The following CFAP65 variants were observed in gnomAD, a reference collection of about 807,000 sequenced individuals.
CFAP65 encodes cilia and flagella associated protein 65.
A neutral mutation model predicts 208.0 loss-of-function variants in CFAP65; 155 were observed. That is an observed-to-expected ratio of 0.75 (90% CI 0.65 to 0.85). CFAP65 has a LOEUF of 0.85. Ranked by LOEUF, CFAP65 falls within the 40% of genes least tolerant of loss-of-function variation. CFAP65 has a pLI of 0.00. For synonymous variants in CFAP65, 970 were observed against 986.3 expected (o/e 0.98, Z 0.31); for missense variants, 2,294 against 2,451.3 (o/e 0.94, Z 1.36).
At position 219,023,268 on chromosome 2, in the gene CFAP65, T is replaced by G. The variant is rs1197826365; in HGVS notation, c.2759A>C (p.Gln920Pro). 6.2e-7 allele frequency: 1 copy of G among 1,613,196 alleles called. No homozygotes were observed. Residue 920 changes from glutamine to proline, a missense_variant, in exon 16 of 35, where the codon CAG (glutamine) becomes CCG (proline). Gln to Pro is a moderately conservative substitution (Grantham distance 76). Transcript: ENST00000341552. ...CTGGACAGCCAGCAGCTTTCGATGC[T>G]GCTCAGAGACCCTCCACTCGAACTG... ...PLQFEWRVSE[Q>P]HRKLLAVQPS...
At position 219,027,486 on chromosome 2, in the gene CFAP65, T is replaced by C. The variant is rs1369153877; in HGVS notation, c.2211+164A>G. Reference sequence around the variant, plus strand: ...AGATGGGCCGAGCTAGGCCAGGAGCTTTGGAGGAGACAAACTCATAGGGGT... The same window carrying C: ...AGATGGGCCGAGCTAGGCCAGGAGCCTTGGAGGAGACAAACTCATAGGGGT... On this transcript the variant is annotated intron_variant, in intron 13 of 34. Coordinates refer to ENST00000341552, the MANE Select transcript of CFAP65 (RefSeq NM_194302.4). 2.5e-6 allele frequency: 4 copies of C among 1,579,550 alleles called. No individual in the cohort carries two copies. The East Asian group carries it at 9.4e-5, about 37-fold the overall frequency.
In CFAP65 at chr2:219,031,421, C is replaced by T; in HGVS notation, c.815+68G>A. 3 of 1,607,154 alleles carry T rather than the reference C, an allele frequency of 1.9e-6. No homozygotes were observed. In the African/African-American group the frequency reaches 4.0e-5, roughly 21 times the overall value. On this transcript the variant is annotated intron_variant, in intron 7 of 34. Coordinates refer to ENST00000341552, the MANE Select transcript of CFAP65 (RefSeq NM_194302.4). The surrounding 1 kb of genome is among the most constrained non-coding windows in gnomAD (Gnocchi z 5.2). Reference sequence around the variant, plus strand: ...CCTACCCCGACAAGGGTATGCCTGTCTCTCCTGCTTCCAGACACCCTCCTC... The same window carrying T: ...CCTACCCCGACAAGGGTATGCCTGTTTCTCCTGCTTCCAGACACCCTCCTC...
At chr2:219,013,187 A>G in intron 24 of CFAP65, 72 bp downstream of exon 24, 1 of 1,065,612 alleles carries the variant, frequency 9.4e-7, no homozygotes, top group Non-Finnish European at 1.4e-6. Flanking sequence ...TCACCCTCTC[A>G]AGGGCTGACA....
In CFAP65 at chr2:219,026,157, G is replaced by GA; in HGVS notation, c.2213dup (p.Leu739ProfsTer6). The GA allele has an allele frequency of 6.2e-7, 1 of 1,610,232 alleles. No individual in the cohort carries two copies. Among genetic ancestry groups the GA allele is most frequent in the Middle Eastern group, 1.7e-4 (1 of 6,050 alleles). On this transcript the variant is annotated frameshift_variant and splice_region_variant, in exon 14 of 35. Coordinates refer to ENST00000341552, the MANE Select transcript of CFAP65 (RefSeq NM_194302.4). LOFTEE classifies it high-confidence loss of function. ...CCTCAATATTACTGTAGCTCTGCAG[G>GA]ACCTGCAGAGGGGCCAGACCCACGG...
In CFAP65 at chr2:219,009,912, T is replaced by C. The variant is rs1331100464; in HGVS notation, c.4452+30A>G. On this transcript the variant is annotated intron_variant, in intron 27 of 34. Transcript: ENST00000341552. ...GGGTTGGATGGGTCTGGAGCTCTGATGGAGGTTCCAGGGCTCAGGGGACTC... is the reference window on the plus strand; with the variant it reads ...GGGTTGGATGGGTCTGGAGCTCTGACGGAGGTTCCAGGGCTCAGGGGACTC... The C allele has an allele frequency of 9.5e-6, 15 of 1,586,084 alleles. No homozygotes were observed. The East Asian group carries it at 1.1e-4, about 12-fold the overall frequency.
rs999638888 is a variant in CFAP65 at position 219,029,873 on chromosome 2, C to T, written c.1384+113G>A. On this transcript the variant is annotated intron_variant, in intron 10 of 34. Coordinates refer to ENST00000341552, the MANE Select transcript of CFAP65 (RefSeq NM_194302.4). ...CACAGGGCCACCAGGGGGCAGCAGA[C>T]ACCCAGGCTGAGGCAAGGTGGCCCC... The T allele has an allele frequency of 7.6e-6, 9 of 1,179,910 alleles. No homozygotes were observed. In the African/African-American group the frequency reaches 9.3e-5, roughly 12 times the overall value. The allele number at this position is 1,179,910 out of a possible 1,614,324, so 73.1% of individuals were successfully genotyped here.
At position 219,019,727 on chromosome 2, in the gene CFAP65, G is replaced by C. The variant is rs758125055; in HGVS notation, c.3260-8C>G. The C allele has an allele frequency of 1.6e-5, 26 of 1,611,032 alleles. No individual in the cohort carries two copies. Among genetic ancestry groups the C allele is most frequent in the Non-Finnish European group, 8.5e-7 (1 of 1,178,702 alleles). ...TCTCCCCAGCCTTGTTATCTGGGGA[G>C]GGGGGTGAGGAAGACAGAAGTGGGC... On this transcript the variant is annotated splice_polypyrimidine_tract_variant and splice_region_variant and intron_variant, in intron 19 of 34. Transcript: ENST00000341552.
intron 8 of CFAP65, 61 bp from the exon 9 acceptor site, chr2:219,030,895 A>T: frequency 6.4e-7 from 1 of 1,569,358 alleles, no homozygotes; most frequent in Non-Finnish European, 8.6e-7. Flanking sequence ...CCCCAGCTGA[A>T]CAGCCCCTCG....
chr2:219,007,023 C>T (rs1171762607), intron 29 of CFAP65, among the ~76,000 whole-genome samples: 1 of 152,084 alleles, frequency 6.6e-6, no homozygotes, highest in Non-Finnish European at 1.5e-5. Flanking sequence ...TGTAGGCGGG[C>T]AGCTCCAAGG....
At position 219,032,627 on chromosome 2, in the gene CFAP65, A is replaced by C; in HGVS notation, c.543-55T>G. The C allele has an allele frequency of 1.4e-6, 2 of 1,481,200 alleles. No homozygotes were observed. Among genetic ancestry groups the C allele is most frequent in the Middle Eastern group, 1.7e-4 (1 of 5,790 alleles). 91.8% of individuals were successfully genotyped at this position (1,481,200 alleles called of 1,614,324 possible). A position where few individuals can be genotyped will look rare whatever the true frequency, so the allele number is the denominator to read the frequency against. ...CAGATCAGGGCTCAGAACAACTGGA[A>C]GAGGCAGGAAACGAGGGAAGCCCTG... On this transcript the variant is annotated intron_variant, in intron 5 of 34. Transcript: ENST00000341552. This position sits in a 1 kb window ranked among gnomAD's most constrained non-coding sequence, Gnocchi z 5.5.
chr2:219,022,462 TAC>T lies in CFAP65; in HGVS notation c.2821-135_2821-134del, dbSNP rs550681511. On this transcript the variant is annotated intron_variant, in intron 16 of 34. Coordinates refer to ENST00000341552, the MANE Select transcript of CFAP65 (RefSeq NM_194302.4). ...AGAATCTACCCTATGCCAGGCATTGTACACGGCACATGTATGGAGTCTCCCCA... is the reference window on the plus strand; with the variant it reads ...AGAATCTACCCTATGCCAGGCATTGTACGGCACATGTATGGAGTCTCCCCA... The T allele has an allele frequency of 3.0e-3, 2,899 of 977,256 alleles. 9 individuals are homozygous for T. The highest frequency in any genetic ancestry group is 4.1e-3 in the Non-Finnish European group (2,657 of 642,466). 60.5% of individuals were successfully genotyped at this position (977,256 alleles called of 1,614,324 possible). A position where few individuals can be genotyped will look rare whatever the true frequency, so the allele number is the denominator to read the frequency against.
At chr2:219,020,047 G>GT (rs59981724) in intron 19 of CFAP65, among the ~76,000 whole-genome samples, 26,130 of 144,698 alleles carry the variant, frequency 0.18, 2,974 homozygotes, top group African/African-American at 0.34. Flanking sequence ...ATACAATTCA[G>GT]TTTTTTTTTT....
In CFAP65 at chr2:219,027,763, GAGTCACCC is replaced by G; in HGVS notation, c.2090_2097del (p.Trp697SerfsTer38). On this transcript the variant is annotated frameshift_variant, in exon 13 of 35. Transcript: ENST00000341552. LOFTEE classifies it high-confidence loss of function. The stretch of plus-strand genomic sequence containing the variant: ...AGTGGGGGCACGTCGCAGCTCTCTG[GAGTCACCC>G]AGAAGGGGCAGTCAGACCTTCGCGT... 1 of 1,614,106 alleles carries G rather than the reference GAGTCACCC, an allele frequency of 6.2e-7. No homozygotes were observed. The highest frequency in any genetic ancestry group is 1.1e-5 in the South Asian group (1 of 91,072).
rs1244525585 is a variant in CFAP65, at chr2:219,027,662, G to A, written c.2199C>T (p.Phe733=). 7 of 1,613,750 alleles carry A rather than the reference G, an allele frequency of 4.3e-6. No individual in the cohort carries two copies. The highest frequency in any genetic ancestry group is 1.3e-5 in the African/African-American group (1 of 74,926). The stretch of plus-strand genomic sequence containing the variant: ...TGCGTGCACACACCTTATAGATGGC[G>A]AAGGCTTCGAGCTCCACCGTGTAAA... ...NCLYTVELEA[F]AIYKVLQSYS... The change falls in exon 13 of 35, where the codon TTC becomes TTT. Residue 733 remains phenylalanine, a synonymous_variant. Coordinates refer to ENST00000341552, the MANE Select transcript of CFAP65 (RefSeq NM_194302.4).
intron 16 of CFAP65, among the ~76,000 whole-genome samples, chr2:219,022,822 CCTT>C (rs1412985494): frequency 6.6e-6 from 1 of 152,238 alleles, no homozygotes; most frequent in East Asian, 1.9e-4. Flanking sequence ...ACTACAGTCT[CCTT>C]CCTCACCCTC....
Position 219,041,469 on chromosome 2 carries a change from A to T in CFAP65, c.-49+19T>A. ...CTCCCTGAGACCCTGGGACCTTGGG[A>T]CTAACGCTCAGAACTTACATCGCCT... On this transcript the variant is annotated intron_variant, in intron 1 of 34. Coordinates refer to ENST00000341552, the MANE Select transcript of CFAP65 (RefSeq NM_194302.4). 1 of 1,550,510 alleles carries T rather than the reference A, an allele frequency of 6.4e-7. No homozygotes were observed.
chr2:219,028,868 G>A (rs1412386787), intron 11 of CFAP65, among the ~76,000 whole-genome samples: 2 of 152,310 alleles, frequency 1.3e-5, no homozygotes, highest in Admixed American at 1.3e-4. Context: ...CAGGTACACA[G>A]ACACAGCCCA....
Position 219,002,850 on chromosome 2 carries a change from G to T in CFAP65, c.*87C>A, listed in dbSNP as rs1945668052. The stretch of plus-strand genomic sequence containing the variant: ...GGGAAATAAAGTCAAGGTAGATACA[G>T]AAAAAAGACTAGATGCTTTTACTGG... On this transcript the variant is annotated 3_prime_UTR_variant, in exon 35 of 35. Transcript: ENST00000341552. The surrounding 1 kb of genome is among the most constrained non-coding windows in gnomAD (Gnocchi z 7.9). 8.0e-7 allele frequency: 1 copy of T among 1,255,554 alleles called. No individual in the cohort carries two copies. The highest frequency in any genetic ancestry group is 1.5e-5 in the African/African-American group (1 of 67,104). 77.8% of individuals were successfully genotyped at this position (1,255,554 alleles called of 1,614,324 possible). A position where few individuals can be genotyped will look rare whatever the true frequency, so the allele number is the denominator to read the frequency against.
Position 219,013,628 on chromosome 2 carries a change from T to C in CFAP65, c.3780-43A>G, listed in dbSNP as rs1192468489. The C allele has an allele frequency of 3.3e-6, 5 of 1,537,286 alleles. No homozygotes were observed. The Admixed American group carries it at 5.7e-5, about 18-fold the overall frequency. ...AGTCTGGGAGTGAGTTCTGGAGCCC[T>C]GGTACAAGTAGGAGAGCAAATGGAC... On this transcript the variant is annotated intron_variant, in intron 22 of 34. Transcript: ENST00000341552.
Sources: gnomAD v4.1 joint callset for allele counts (sites outside exome capture counted in the v4.1 genomes callset) on GRCh38, gnomAD v4.1.1 for gene constraint, Gnocchi (gnomAD v3.1) non-coding constraint, MANE v1.5 for transcripts, NCBI Gene and HGNC (gene_info 2026-07-23, HGNC 2026-07-21) for gene names.